The following NIN variants were observed in gnomAD, a reference collection of about 807,000 sequenced individuals.
NIN encodes the protein ninein.
In NIN, 137 loss-of-function variants were observed where a neutral mutation model predicts 257.6. The observed-to-expected ratio is 0.53, with a 90% confidence interval of 0.46 to 0.61. NIN has a LOEUF of 0.61. Ranked by LOEUF, NIN falls within the 20% of genes least tolerant of loss-of-function variation. The probability of loss-of-function intolerance (pLI) is 0.00; values close to 1 mark genes in which losing one functional copy is unlikely to be tolerated. For synonymous variants in NIN, 918 were observed against 919.8 expected, an observed-to-expected ratio of 1.00 and a Z score of 0.04; for missense variants, 2,439 against 2,501.2, an observed-to-expected ratio of 0.98 and a Z score of 0.53.
rs61985513 is a variant in NIN at position 50,771,973 on chromosome 14, G to A, written c.981+328C>T. On this transcript the variant is annotated intron_variant, in intron 9 of 30. Coordinates refer to ENST00000530997, the MANE Select transcript of NIN (RefSeq NM_020921.4). The stretch of plus-strand genomic sequence containing the variant: ...TATACTCCAGTCCAGGTGATAAAAC[G>A]AGACTCCGTCTCAAAAAAAAAACAA... 2.7e-3 allele frequency: 603 copies of A among 224,246 alleles called. 4 individuals carry two copies. The highest frequency in any genetic ancestry group is 0.013 in the South Asian group (168 of 13,024). 13.9% of individuals were successfully genotyped at this position (224,246 alleles called of 1,614,324 possible).
At chr14:50,729,803 A>T in intron 28 of NIN, 80 bp from the exon 29 acceptor site, 2 of 1,086,208 alleles carry the variant, frequency 1.8e-6, no homozygotes. Context: ...GGCAGTGAGT[A>T]ATGAAGACTA....
At chr14:50,764,878 T>G (rs2042412869) in intron 14 of NIN, among the ~76,000 whole-genome samples, 1 of 151,574 alleles carries the variant, frequency 6.6e-6, no homozygotes, top group Non-Finnish European at 1.5e-5. Context: ...GTTCTAAAAT[T>G]GAATGCGGTG....
rs147069723 is a variant in NIN, at chr14:50,755,249, T to C, written c.4539-382A>G. Reference sequence around the variant, plus strand: ...ACATAAGCCATGTTACAAAGCTATATTAGCTTAGTTTTAGGCCCCTGGGTA... The same window carrying C: ...ACATAAGCCATGTTACAAAGCTATACTAGCTTAGTTTTAGGCCCCTGGGTA... On this transcript the variant is annotated intron_variant, in intron 18 of 30. Coordinates refer to ENST00000530997, the MANE Select transcript of NIN (RefSeq NM_020921.4). 3.4e-3 allele frequency among the ~76,000 whole-genome samples: 517 copies of C among 152,318 alleles called. 5 individuals carry two copies. The highest frequency in any genetic ancestry group is 0.012 in the African/African-American group (497 of 41,566).
chr14:50,740,994 A>G (rs1021689280), intron 25 of NIN, among the ~76,000 whole-genome samples: 3 of 152,222 alleles, frequency 2.0e-5, no homozygotes, highest in Non-Finnish European at 4.4e-5. Context: ...TAACACTTTA[A>G]TCAGCTCTTC....
chr14:50,745,996 A>G (rs1206062464), intron 22 of NIN, among the ~76,000 whole-genome samples: 1 of 151,550 alleles, frequency 6.6e-6, no homozygotes, highest in African/African-American at 2.4e-5. Flanking sequence ...GACCAGGCTC[A>G]CAATTTCTTC....
At chr14:50,781,004 G>C (rs978629080) in intron 5 of NIN, among the ~76,000 whole-genome samples, 2 of 152,114 alleles carry the variant, frequency 1.3e-5, no homozygotes, top group African/African-American at 4.8e-5. Flanking sequence ...TTTCTGGTCA[G>C]AATTGTTTTC....
Position 50,735,652 on chromosome 14 carries a change from G to A in NIN, c.5776-35C>T, listed in dbSNP as rs770241902. 17 of 1,583,110 alleles carry A rather than the reference G, an allele frequency of 1.1e-5. No homozygotes were observed. In the East Asian group the frequency reaches 3.8e-4, roughly 36 times the overall value. On this transcript the variant is annotated intron_variant, in intron 27 of 30. Transcript: ENST00000530997. ...AAAAACAAAATATTCCCTTGAAACA[G>A]AAACAAAAACACTTGAGTTGTTCTA...
At chr14:50,824,462 C>G (rs2045374140) in intron 2 of NIN, among the ~76,000 whole-genome samples, 2 of 152,188 alleles carry the variant, frequency 1.3e-5, no homozygotes, top group African/African-American at 4.8e-5. Context: ...AATGCTCACG[C>G]TGAAACATCC....
rs1229427492 is a variant in NIN, at chr14:50,821,896, A to C, written c.161T>G (p.Leu54Arg). Reference protein sequence around the residue: ...EVAPVLQQTLLQDNLLGRVHF... With the variant: ...EVAPVLQQTLRQDNLLGRVHF... ...TACCCTGCCCAAGAGGTTGTCCTGA[A>C]GTAATGTCTGCTGCAGCACTGGGGC... Residue 54 changes from leucine to arginine, a missense_variant, in exon 3 of 31, where the codon CTT (leucine) becomes CGT (arginine). Leu to Arg is a moderately radical substitution (Grantham distance 102). Transcript: ENST00000530997. The C allele has an allele frequency of 6.2e-7, 1 of 1,614,026 alleles. No homozygotes were observed.
Position 50,763,514 on chromosome 14 carries a change from C to T in NIN, c.1774+312G>A, listed in dbSNP as rs116834937. On this transcript the variant is annotated intron_variant, in intron 15 of 30. Coordinates refer to ENST00000530997, the MANE Select transcript of NIN (RefSeq NM_020921.4). Reference sequence around the variant, plus strand: ...AGCTCAGTGTCTGAATTCTAACACTCCCAAGGCCTGGATTCCCAGATTTGC... The same window carrying T: ...AGCTCAGTGTCTGAATTCTAACACTTCCAAGGCCTGGATTCCCAGATTTGC... Among the ~76,000 whole-genome samples, 1,182 of 152,268 alleles carry T rather than the reference C, an allele frequency of 7.8e-3. 22 individuals carry two copies. Among genetic ancestry groups the T allele is most frequent in the African/African-American group, 0.027 (1,127 of 41,542 alleles).
intron 28 of NIN, among the ~76,000 whole-genome samples, chr14:50,733,940 G>T (rs1306929020): frequency 6.6e-6 from 1 of 152,100 alleles, no homozygotes; most frequent in Admixed American, 6.5e-5. Flanking sequence ...AACTTCACTG[G>T]TGATTTAATG....
intron 12 of NIN, among the ~76,000 whole-genome samples, chr14:50,767,625 G>A (rs1351911266): frequency 2.0e-5 from 3 of 152,186 alleles, no homozygotes; most frequent in South Asian, 2.1e-4. Flanking sequence ...AGACCATCCT[G>A]GCGAACACGG....
At chr14:50,771,578 A>AT (rs2141813251) in intron 9 of NIN, 110 bp from the exon 10 acceptor site, 1 of 1,155,478 alleles carries the variant, frequency 8.7e-7, no homozygotes, top group Admixed American at 2.2e-5. Flanking sequence ...TGATCTAGCA[A>AT]TTAGACAATT....
chr14:50,812,287 AG>A (rs887045031), intron 3 of NIN, among the ~76,000 whole-genome samples: 1 of 152,226 alleles, frequency 6.6e-6, no homozygotes, highest in African/African-American at 2.4e-5. Context: ...GGTGAGAGGT[AG>A]AAAAAGCATG....
chr14:50,723,755 T>C, intron 30 of NIN, 83 bp from the exon 31 acceptor site: 1 of 1,202,636 alleles, frequency 8.3e-7, no homozygotes, highest in South Asian at 1.3e-5. Context: ...ATAAGGACAG[T>C]TGTTTTATAA....
intron 28 of NIN, chr14:50,730,938 C>A: frequency 7.4e-7 from 1 of 1,347,758 alleles, no homozygotes; most frequent in Non-Finnish European, 9.8e-7. Context: ...CACACTATCT[C>A]AGGCAGAGAA....
At chr14:50,763,269 G>C (rs1253773016) in intron 15 of NIN, among the ~76,000 whole-genome samples, 1 of 151,812 alleles carries the variant, frequency 6.6e-6, no homozygotes, top group Admixed American at 6.6e-5. Flanking sequence ...AGTTAATGCA[G>C]GAGGCTCCCA....
Position 50,777,007 on chromosome 14 carries a change from T to C in NIN, c.608A>G (p.Asn203Ser). ...DLGITRDGHL[N>S]RKKLVSICEQ... Reference sequence around the variant, plus strand: ...ACAGATGGAGACCAGCTTCTTCCGGTTCAGGTGACCATCACGGGTGATCCC... The same window carrying C: ...ACAGATGGAGACCAGCTTCTTCCGGCTCAGGTGACCATCACGGGTGATCCC... The change falls in exon 7 of 31, where the codon AAC becomes AGC. Residue 203 changes from asparagine to serine, a missense_variant. Asn to Ser is a conservative substitution (Grantham distance 46, BLOSUM62 1). Transcript: ENST00000530997. 4 of 1,614,218 alleles carry C rather than the reference T, an allele frequency of 2.5e-6. No individual in the cohort carries two copies. Among genetic ancestry groups the C allele is most frequent in the Non-Finnish European group, 3.4e-6 (4 of 1,180,036 alleles).
Position 50,744,347 on chromosome 14 carries a change from G to T in NIN, c.5083C>A (p.Leu1695Ile), listed in dbSNP as rs368708427. 11 of 1,614,018 alleles carry T rather than the reference G, an allele frequency of 6.8e-6. No homozygotes were observed. In the East Asian group the frequency reaches 1.6e-4, roughly 23 times the overall value. ...GAGATTTTTTGCTGGAAGTCAGAGA[G>T]ATCGGGACATCTGTGCAGCTGTAAG... ...KMKQLHRCPDLSDFQQKISSV... is the reference protein window; with the variant it reads ...KMKQLHRCPDISDFQQKISSV... Residue 1695 changes from leucine to isoleucine, a missense_variant, in exon 23 of 31, where the codon CTC becomes ATC. This residue lies in a region of NIN where 2,043 missense variants were observed against 2,050.2 expected (regional missense o/e 1.00). Coordinates refer to ENST00000530997, the MANE Select transcript of NIN (RefSeq NM_020921.4).
Sources: gnomAD v4.1 joint callset for allele counts (sites outside exome capture counted in the v4.1 genomes callset) on GRCh38, gnomAD v4.1.1 for gene constraint, gnomAD v4.1.1 regional missense constraint, MANE v1.5 for transcripts, NCBI Gene and HGNC (gene_info 2026-07-23, HGNC 2026-07-21) for gene names.